FMR1NB: variants seen among roughly 807,000 people sequenced by gnomAD.
The protein encoded by FMR1NB is FMR1 neighbor.
A neutral mutation model predicts 16.8 loss-of-function variants in FMR1NB; 10 were observed. The observed-to-expected ratio is 0.60, with a 90% CI of 0.37 to 1.01. The LOEUF (loss-of-function observed/expected upper bound fraction) is 1.01, where lower values mean the gene tolerates loss of function less well. FMR1NB is among the 50% of genes least tolerant of loss of function. FMR1NB has a pLI of 0.01. For missense variants in FMR1NB, 205 were observed against 204.8 expected, an observed-to-expected ratio of 1.00 and a Z score of 0.00; for synonymous variants, 83 against 79.1, an observed-to-expected ratio of 1.05 and a Z score of -0.26.
intron 4 of FMR1NB, among the ~76,000 whole-genome samples, chrX:148,018,783 A>G (rs911824441): frequency 2.1e-4 from 23 of 111,848 alleles, no homozygotes; most frequent in Non-Finnish European, 4.1e-4. Context: ...TCATGTCTAA[A>G]ACACCAAAAG....
chrX:148,000,563 G>A (rs58051894), intron 1 of FMR1NB, among the ~76,000 whole-genome samples: 1,489 of 111,735 alleles, frequency 0.013, 29 homozygotes, highest in African/African-American at 0.046. Context: ...TTTAATATTG[G>A]CAAATATATT....
intron 1 of FMR1NB, among the ~76,000 whole-genome samples, chrX:147,994,351 TTAAA>T (rs782178325): frequency 1.6e-3 from 184 of 112,645 alleles, no homozygotes; most frequent in East Asian, 5.3e-3. Flanking sequence ...AAATTCATAA[TTAAA>T]TAAAGTATAT....
At chrX:147,981,828 A>G (rs1303113456) in intron 1 of FMR1NB, 149 bp downstream of exon 1, 1 of 641,400 alleles carries the variant, frequency 1.6e-6, no homozygotes, top group Non-Finnish European at 2.3e-6. Flanking sequence ...TTATGGCCCT[A>G]TCCTCAGCAG....
chrX:147,984,234 C>A (rs1300963066), intron 1 of FMR1NB, among the ~76,000 whole-genome samples: 1 of 111,579 alleles, frequency 9.0e-6, no homozygotes, highest in Non-Finnish European at 1.9e-5. Context: ...TGAGAGTCAG[C>A]TTTTCCGTTT....
chrX:147,990,572 A>G (rs1360224445), intron 1 of FMR1NB, among the ~76,000 whole-genome samples: 1 of 111,982 alleles, frequency 8.9e-6, no homozygotes, highest in African/African-American at 3.2e-5. Flanking sequence ...TGAGATATCC[A>G]TTACCTCAAA....
chrX:148,013,574 T>A (rs1165134657), intron 4 of FMR1NB, among the ~76,000 whole-genome samples: 1 of 112,287 alleles, frequency 8.9e-6, no homozygotes, highest in East Asian at 2.8e-4. Context: ...CATGGATGTG[T>A]TTAAATTCTT....
At chrX:148,022,629 C>G (rs1423822464) in intron 4 of FMR1NB, among the ~76,000 whole-genome samples, 5 of 111,186 alleles carry the variant, frequency 4.5e-5, no homozygotes, top group African/African-American at 1.6e-4. Flanking sequence ...TCATTTCACT[C>G]CTACTCTCTC....
At position 147,994,781 on chromosome X, in the gene FMR1NB, G is replaced by A. The variant is rs781972283; in HGVS notation, c.278-8420G>A. ...TAATCTATGATTCATTCTTTACATT[G>A]TTAGATTTCCCAGATTCTCAGGAGG... On this transcript the variant is annotated intron_variant, in intron 1 of 5. Coordinates refer to ENST00000370467, the MANE Select transcript of FMR1NB (RefSeq NM_152578.3). 6.2e-5 allele frequency among the ~76,000 whole-genome samples: 7 copies of A among 112,119 alleles called. No individual in the cohort carries two copies. In the East Asian group the frequency reaches 2.0e-3, roughly 31 times the overall value.
At chrX:148,020,902 G>A (rs2044674912) in intron 4 of FMR1NB, among the ~76,000 whole-genome samples, 1 of 112,136 alleles carries the variant, frequency 8.9e-6, no homozygotes, top group Non-Finnish European at 1.9e-5. Flanking sequence ...TGGCTAGTGT[G>A]TCAGTAGGTT....
chrX:147,982,358 C>A (rs888991160), intron 1 of FMR1NB, among the ~76,000 whole-genome samples: 105 of 108,005 alleles, frequency 9.7e-4, no homozygotes, highest in Non-Finnish European at 1.2e-3. Context: ...GAGGCCGAGG[C>A]GGGCGGATTG....
rs547320832 is a variant in FMR1NB, at chrX:147,995,499, A to T, written c.278-7702A>T. On this transcript the variant is annotated intron_variant, in intron 1 of 5. Coordinates refer to ENST00000370467, the MANE Select transcript of FMR1NB (RefSeq NM_152578.3). ...CCACATTGCCTTTCAAGTTATATTT[A>T]TGCAGAAGACGTACAGACCAGTGGC... Among the ~76,000 whole-genome samples the T allele has an allele frequency of 1.3e-4, 14 of 111,800 alleles. No individual in the cohort carries two copies. In the South Asian group the frequency reaches 5.3e-3, roughly 42 times the overall value.
chrX:147,990,614 C>A (rs1170956918), intron 1 of FMR1NB, among the ~76,000 whole-genome samples: 1 of 111,401 alleles, frequency 9.0e-6, no homozygotes, highest in Non-Finnish European at 1.9e-5. Context: ...CATTCCAATT[C>A]TTCTCTTCTA....
chrX:148,024,760 G>A, intron 4 of FMR1NB, 105 bp from the exon 5 acceptor site: 1 of 950,002 alleles, frequency 1.1e-6, no homozygotes, highest in South Asian at 2.6e-5. Context: ...ATATCAGGTG[G>A]GAAAGTATAG....
At chrX:148,023,228 GTTA>G (rs2044687962) in intron 4 of FMR1NB, among the ~76,000 whole-genome samples, 1 of 111,585 alleles carries the variant, frequency 9.0e-6, no homozygotes, top group South Asian at 3.7e-4. Context: ...AGTTGTTTCA[GTTA>G]TTATTTTTTT....
At position 148,024,850 on chromosome X, in the gene FMR1NB, C is replaced by T; in HGVS notation, c.633-15C>T. 8.3e-7 allele frequency: 1 copy of T among 1,205,363 alleles called. No individual in the cohort carries two copies. The highest frequency in any genetic ancestry group is 1.7e-5 in the African/African-American group (1 of 57,606). On this transcript the variant is annotated splice_polypyrimidine_tract_variant and intron_variant, in intron 4 of 5. Transcript: ENST00000370467. ...AATGAGAAATAAGGTTTCACTTGAA[C>T]TTTTTATGTTACAGCGAACCGGCCG...
chrX:147,994,576 A>T (rs960957226), intron 1 of FMR1NB, among the ~76,000 whole-genome samples: 1 of 112,451 alleles, frequency 8.9e-6, no homozygotes, highest in Admixed American at 9.4e-5. Context: ...CCTCTAAAAA[A>T]GTAAGCTGAA....
chrX:147,997,793 G>A (rs4360410), intron 1 of FMR1NB, among the ~76,000 whole-genome samples: 7,194 of 111,416 alleles, frequency 0.065, 188 homozygotes, highest in East Asian at 0.094. Context: ...AGTGGGCAAA[G>A]GATATGAACA....
At chrX:148,002,943 T>A (rs1275011575) in intron 1 of FMR1NB, among the ~76,000 whole-genome samples, 1 of 112,405 alleles carries the variant, frequency 8.9e-6, no homozygotes, top group Non-Finnish European at 1.9e-5. Flanking sequence ...GAGGCAAGTT[T>A]ACTATTGTAA....
rs782570167 is a variant in FMR1NB at position 147,981,373 on chromosome X, C to T, written c.-30C>T. 1 of 1,151,842 alleles carries T rather than the reference C, an allele frequency of 8.7e-7. No individual in the cohort carries two copies. The highest frequency in any genetic ancestry group is 1.2e-6 in the Non-Finnish European group (1 of 862,270). 94.9% of individuals were successfully genotyped at this position (1,151,842 alleles called of 1,213,427 possible). A position where few individuals can be genotyped will look rare whatever the true frequency, so the allele number is the denominator to read the frequency against. On this transcript the variant is annotated 5_prime_UTR_variant, in exon 1 of 6. Coordinates refer to ENST00000370467, the MANE Select transcript of FMR1NB (RefSeq NM_152578.3). ...ACTGCCGGACCGTTGGGCTGTGAGG[C>T]AGCGTCTCAGCGAGGCGGCACCCGG... is the stretch of plus-strand genomic sequence containing the variant.
Sources: allele counts gnomAD v4.1 joint callset (sites outside exome capture counted in the v4.1 genomes callset), GRCh38; gene constraint gnomAD v4.1.1; transcripts MANE v1.5; gene names NCBI Gene and HGNC (gene_info 2026-07-23, HGNC 2026-07-21).